The following PLD1 variants were observed in gnomAD, a reference collection of about 807,000 sequenced individuals.
PLD1 encodes the protein choline phosphatase 1.
Under a neutral mutation model 137.1 loss-of-function variants are expected in PLD1, and 112 were observed. That is an observed-to-expected ratio of 0.82 (90% CI 0.70 to 0.96). The LOEUF (loss-of-function observed/expected upper bound fraction) is 0.96, where lower values mean the gene tolerates loss of function less well. Among genes scored for constraint, PLD1 ranks in the 40% least tolerant of loss-of-function variants. The pLI is 0.00. For missense variants in PLD1, 1,321 were observed against 1,342.0 expected (o/e 0.98, Z 0.24); for synonymous variants, 431 against 454.7 (o/e 0.95, Z 0.66).
In PLD1 at chr3:171,709,060, G is replaced by GA. The variant is rs146236101; in HGVS notation, c.1062-223dup. Among the ~76,000 whole-genome samples, 495 of 152,272 alleles carry GA rather than the reference G, an allele frequency of 3.3e-3. 3 individuals carry two copies. The highest frequency in any genetic ancestry group is 0.011 in the African/African-American group (477 of 41,554). ...AAGCAGCCTGATTTTTCTCTGCTTA[G>GA]AGAACAACAAATTTATTGAGCCTCA... On this transcript the variant is annotated intron_variant, in intron 10 of 26. Transcript: ENST00000351298.
chr3:171,735,140 T>C (rs1431335628), intron 4 of PLD1, among the ~76,000 whole-genome samples, 170 bp from the exon 5 acceptor site: 1 of 152,216 alleles, frequency 6.6e-6, no homozygotes, highest in Non-Finnish European at 1.5e-5. Flanking sequence ...TTTTATTTAT[T>C]TATTTTAAAG....
At chr3:171,617,715 G>A (rs1040293409) in intron 24 of PLD1, among the ~76,000 whole-genome samples, 4 of 152,108 alleles carry the variant, frequency 2.6e-5, no homozygotes. Context: ...AGGGCCACAG[G>A]CAATTAAAGC....
At position 171,714,014 on chromosome 3, in the gene PLD1, A is replaced by G. The variant is rs1015695024; in HGVS notation, c.790T>C (p.Tyr264His). 3 of 1,608,038 alleles carry G rather than the reference A, an allele frequency of 1.9e-6. No individual in the cohort carries two copies. Among genetic ancestry groups the G allele is most frequent in the African/African-American group, 2.7e-5 (2 of 74,802 alleles). ...WLIVKDSFLL[Y>H]MKPDSGAIAF... ...ATGGCACCGCTGTCTGGTTTCATAT[A>G]CAATAAAAAGGAATCTTTCACTATT... is the stretch of plus-strand genomic sequence containing the variant. Residue 264 changes from tyrosine to histidine, a missense_variant, in exon 9 of 27, where the codon TAT becomes CAT. Coordinates refer to ENST00000351298, the MANE Select transcript of PLD1 (RefSeq NM_002662.5).
chr3:171,753,344 G>A (rs1302029641), intron 1 of PLD1, among the ~76,000 whole-genome samples: 2 of 152,208 alleles, frequency 1.3e-5, no homozygotes, highest in Admixed American at 1.3e-4. Context: ...GAAATGGCAA[G>A]TTAAAAGGCA....
At chr3:171,630,952 C>T (rs1734610295) in intron 23 of PLD1, among the ~76,000 whole-genome samples, 1 of 151,168 alleles carries the variant, frequency 6.6e-6, no homozygotes, top group Non-Finnish European at 1.5e-5. Flanking sequence ...CAGCATGGCA[C>T]ATGTATACAT....
At chr3:171,714,105 T>C in intron 8 of PLD1, 60 bp from the exon 9 acceptor site, 3 of 1,035,142 alleles carry the variant, frequency 2.9e-6, no homozygotes, top group Non-Finnish European at 4.5e-6. Flanking sequence ...CGAGAAGAAC[T>C]AATCATTATG....
chr3:171,640,761 C>G (rs1735664695), intron 23 of PLD1, among the ~76,000 whole-genome samples: 1 of 152,142 alleles, frequency 6.6e-6, no homozygotes, highest in African/African-American at 2.4e-5. Flanking sequence ...TGCACACAGC[C>G]CTACACAGAC....
chr3:171,728,418 C>T (rs1250360631), intron 6 of PLD1, among the ~76,000 whole-genome samples: 3 of 152,154 alleles, frequency 2.0e-5, no homozygotes, highest in African/African-American at 7.2e-5. Context: ...TGTGAAAATG[C>T]TTCTTAATTG....
intron 23 of PLD1, among the ~76,000 whole-genome samples, chr3:171,631,142 G>A (rs576270201): frequency 2.0e-5 from 3 of 152,068 alleles, no homozygotes; most frequent in Non-Finnish European, 2.9e-5. Context: ...AGTTAACAAT[G>A]TAATCAAACT....
intron 12 of PLD1, among the ~76,000 whole-genome samples, chr3:171,698,891 G>C (rs995541233): frequency 6.8e-6 from 1 of 147,968 alleles, no homozygotes; most frequent in African/African-American, 2.5e-5. Context: ...CAGGAGAATT[G>C]CTTAAAGCTG....
intron 1 of PLD1, among the ~76,000 whole-genome samples, chr3:171,763,503 A>G (rs1267942221): frequency 6.6e-4 from 9 of 13,724 alleles, no homozygotes; most frequent in Admixed American, 4.6e-3. Context: ...GGGAGGGGGG[A>G]GGGGAGGAGG....
chr3:171,788,167 C>A (rs915704585), intron 1 of PLD1, among the ~76,000 whole-genome samples: 76 of 149,444 alleles, frequency 5.1e-4, no homozygotes, highest in African/African-American at 1.7e-3. Flanking sequence ...GCACTCCAGC[C>A]TTGTGACAAG....
At chr3:171,633,689 C>A (rs1734872348) in intron 23 of PLD1, among the ~76,000 whole-genome samples, 1 of 152,122 alleles carries the variant, frequency 6.6e-6, no homozygotes, top group African/African-American at 2.4e-5. Context: ...AAGGAAATTT[C>A]GTGAAAGGAC....
chr3:171,760,444 A>C (rs1721318437), intron 1 of PLD1, among the ~76,000 whole-genome samples: 1 of 152,234 alleles, frequency 6.6e-6, no homozygotes, highest in Non-Finnish European at 1.5e-5. Context: ...TATAAAAAGA[A>C]TTGCTTTTAA....
intron 16 of PLD1, among the ~76,000 whole-genome samples, chr3:171,682,187 A>G (rs931117735): frequency 1.1e-4 from 17 of 150,892 alleles, no homozygotes; most frequent in East Asian, 1.9e-4. Flanking sequence ...AGAAAGAAAG[A>G]AAGGGAATAA....
At position 171,623,960 on chromosome 3, in the gene PLD1, C is replaced by T. The variant is rs186141333; in HGVS notation, c.2594-3440G>A. The stretch of plus-strand genomic sequence containing the variant: ...GAAAGCAAGGGTGAATTCCTCTATA[C>T]TTCAAATGTAAGAAAGATTTTGTAA... On this transcript the variant is annotated intron_variant, in intron 23 of 26. Coordinates refer to ENST00000351298, the MANE Select transcript of PLD1 (RefSeq NM_002662.5). Among the ~76,000 whole-genome samples the T allele has an allele frequency of 9.9e-4, 142 of 143,674 alleles. 1 individual carries two copies. The highest frequency in any genetic ancestry group is 3.5e-3 in the African/African-American group (136 of 38,620). 94.3% of individuals were successfully genotyped at this position (143,674 alleles called of 152,430 possible).
At chr3:171,682,259 G>A (rs1714091188) in intron 16 of PLD1, among the ~76,000 whole-genome samples, 1 of 151,880 alleles carries the variant, frequency 6.6e-6, no homozygotes, top group African/African-American at 2.4e-5. Flanking sequence ...AATTCTGAAT[G>A]AAAAAAAATC....
At chr3:171,711,896 C>G (rs991487498) in intron 9 of PLD1, among the ~76,000 whole-genome samples, 4 of 150,474 alleles carry the variant, frequency 2.7e-5, no homozygotes, top group Non-Finnish European at 5.9e-5. Context: ...AGAATTCTGC[C>G]TACTACTAAG....
chr3:171,759,548 G>C (rs1005964127), intron 1 of PLD1, among the ~76,000 whole-genome samples: 6 of 152,082 alleles, frequency 3.9e-5, no homozygotes. Context: ...AGTAGTAGAA[G>C]AACAGAAAGG....
Sources: allele counts gnomAD v4.1 joint callset (sites outside exome capture counted in the v4.1 genomes callset), GRCh38; gene constraint gnomAD v4.1.1; transcripts MANE v1.5; gene names NCBI Gene and HGNC (gene_info 2026-07-23, HGNC 2026-07-21).